ATP2B2: variants seen among roughly 807,000 people sequenced by gnomAD.
ATP2B2 encodes ATPase plasma membrane Ca2+ transporting 2.
A neutral mutation model predicts 120.0 loss-of-function variants in ATP2B2; 15 were observed. The ratio of observed to expected loss-of-function variants is 0.12; its 90% CI spans 0.08 to 0.19. The LOEUF (loss-of-function observed/expected upper bound fraction) is 0.19, where lower values mean the gene tolerates loss of function less well. Ranked by LOEUF, ATP2B2 falls within the 10% of genes least tolerant of loss-of-function variation. ATP2B2 has a pLI of 1.00. For synonymous variants in ATP2B2, 694 were observed against 700.3 expected, an observed-to-expected ratio of 0.99 and a Z score of 0.14; for missense variants, 1,045 against 1,719.8, an observed-to-expected ratio of 0.61 and a Z score of 6.94.
At chr3:10,493,026 C>T (rs951587983) in intron 1 of ATP2B2, among the ~76,000 whole-genome samples, 1 of 151,994 alleles carries the variant, frequency 6.6e-6, no homozygotes, top group South Asian at 2.1e-4. Flanking sequence ...TTCATTTGTT[C>T]ATTCATTCAT....
chr3:10,385,904 C>G (rs1405574320), intron 7 of ATP2B2, among the ~76,000 whole-genome samples: 3 of 152,224 alleles, frequency 2.0e-5, no homozygotes, highest in Non-Finnish European at 2.9e-5. Context: ...TTTGGGAACT[C>G]CCATGTGAGA....
At chr3:10,420,680 C>T (rs760069225) in intron 2 of ATP2B2, among the ~76,000 whole-genome samples, 5 of 152,340 alleles carry the variant, frequency 3.3e-5, no homozygotes, top group African/African-American at 7.2e-5. Flanking sequence ...GGTTTTTTCA[C>T]GTGCAGCCTG....
intron 3 of ATP2B2, among the ~76,000 whole-genome samples, chr3:10,529,714 C>A (rs749224614): frequency 1.3e-5 from 2 of 152,142 alleles, no homozygotes; most frequent in Non-Finnish European, 2.9e-5. Context: ...CCTCATACCC[C>A]AGAATGTGAG....
rs1359208577 is a variant in ATP2B2, at chr3:10,492,843, G to A, written c.-320+12622C>T. 5.3e-5 allele frequency among the ~76,000 whole-genome samples: 8 copies of A among 152,252 alleles called. No homozygotes were observed. In the South Asian group the frequency reaches 1.0e-3, roughly 20 times the overall value. On this transcript the variant is annotated intron_variant, in intron 1 of 22. Transcript: ENST00000360273. Reference sequence around the variant, plus strand: ...ATACTGGTGTCCCTTTCACAGCTGCGCAAAAGAGAGCAGATGGAACTTGAA... The same window carrying A: ...ATACTGGTGTCCCTTTCACAGCTGCACAAAAGAGAGCAGATGGAACTTGAA...
intron 2 of ATP2B2, among the ~76,000 whole-genome samples, chr3:10,611,157 C>T (rs2069226516): frequency 6.6e-6 from 1 of 152,232 alleles, no homozygotes; most frequent in African/African-American, 2.4e-5. Flanking sequence ...TGGTTCCCAC[C>T]ACTCCTGAAT....
At chr3:10,440,208 T>A (rs1166962142) in intron 2 of ATP2B2, among the ~76,000 whole-genome samples, 1 of 150,342 alleles carries the variant, frequency 6.7e-6, no homozygotes, top group Admixed American at 6.6e-5. Context: ...CCTTGTCCTG[T>A]AGGGCACTTC....
At position 10,635,651 on chromosome 3, in the gene ATP2B2, A is replaced by T. The variant is rs1331649473; in HGVS notation, c.-459-15690T>A. On this transcript the variant is annotated intron_variant, in intron 1 of 21. Coordinates refer to the ATP2B2 transcript ENST00000646379. This position sits in a 1 kb window ranked among gnomAD's most constrained non-coding sequence, Gnocchi z 4.3. ...ATTCCACTAGCACCTCCCAGGTAGC[A>T]TTTTGCACGCGACAAGGACGCAGCA... is the stretch of plus-strand genomic sequence containing the variant. 1.3e-5 allele frequency among the ~76,000 whole-genome samples: 2 copies of T among 152,142 alleles called. No individual in the cohort carries two copies. The highest frequency in any genetic ancestry group is 4.8e-5 in the African/African-American group (2 of 41,424).
At chr3:10,401,939 C>A (rs1240086610) in intron 4 of ATP2B2, 152 bp downstream of exon 4, 11 of 1,321,404 alleles carry the variant, frequency 8.3e-6, no homozygotes, top group Non-Finnish European at 1.2e-5. Context: ...TACCCTTCCA[C>A]CTCCTAAAGG....
chr3:10,608,916 CT>C (rs2069154079), intron 2 of ATP2B2, among the ~76,000 whole-genome samples: 1 of 152,114 alleles, frequency 6.6e-6, no homozygotes, highest in East Asian at 1.9e-4. Context: ...CAATAAACAT[CT>C]GGTAAAAAAT....
At chr3:10,522,335 G>A (rs566200084) in intron 3 of ATP2B2, among the ~76,000 whole-genome samples, 6 of 152,248 alleles carry the variant, frequency 3.9e-5, no homozygotes, top group African/African-American at 1.4e-4. Context: ...AAGTTAGCTA[G>A]TTGTCTCAAG....
chr3:10,490,336 G>C (rs993875755), intron 1 of ATP2B2, among the ~76,000 whole-genome samples: 1 of 152,018 alleles, frequency 6.6e-6, no homozygotes, highest in Non-Finnish European at 1.5e-5. Flanking sequence ...AACTGCTAGA[G>C]GGATATTGTA....
chr3:10,425,662 A>G (rs2063125513), intron 2 of ATP2B2, among the ~76,000 whole-genome samples: 1 of 152,134 alleles, frequency 6.6e-6, no homozygotes, highest in African/African-American at 2.4e-5. Flanking sequence ...TCTGTCTTCC[A>G]TCAGAGTCCA....
chr3:10,630,234 G>A (rs911282579), intron 1 of ATP2B2, among the ~76,000 whole-genome samples: 2 of 152,024 alleles, frequency 1.3e-5, no homozygotes, highest in African/African-American at 4.8e-5. Context: ...GTGCCATGGG[G>A]GTTTGTTGTA....
intron 2 of ATP2B2, among the ~76,000 whole-genome samples, chr3:10,599,276 C>T (rs1458672976): frequency 6.6e-6 from 1 of 152,232 alleles, no homozygotes; most frequent in African/African-American, 2.4e-5. Context: ...CACCCCTGGG[C>T]TTCACCTGTT....
chr3:10,704,192 T>C (rs1298448086), intron 1 of ATP2B2, among the ~76,000 whole-genome samples: 1 of 152,200 alleles, frequency 6.6e-6, no homozygotes, highest in East Asian at 1.9e-4. Context: ...GGCCTCGCCA[T>C]AACTGAATAA....
chr3:10,500,552 G>A (rs752803318), intron 1 of ATP2B2, among the ~76,000 whole-genome samples: 30 of 152,028 alleles, frequency 2.0e-4, no homozygotes, highest in Non-Finnish European at 3.5e-4. Flanking sequence ...AGAGGACACC[G>A]AGAGACACAC....
intron 2 of ATP2B2, among the ~76,000 whole-genome samples, chr3:10,617,582 A>C (rs2069428003): frequency 1.3e-5 from 2 of 152,264 alleles, no homozygotes; most frequent in Non-Finnish European, 2.9e-5. Context: ...AGTCACCCAC[A>C]TGCCCAAGGC....
intron 1 of ATP2B2, among the ~76,000 whole-genome samples, chr3:10,498,402 A>C (rs1307451607): frequency 1.3e-5 from 2 of 152,260 alleles, no homozygotes; most frequent in Non-Finnish European, 2.9e-5. Flanking sequence ...AGTGAGCTGG[A>C]GGCCAGCACC....
intron 3 of ATP2B2, among the ~76,000 whole-genome samples, chr3:10,408,026 C>CA (rs2062477641): frequency 6.6e-6 from 1 of 152,144 alleles, no homozygotes. Context: ...CAGCTGTTGT[C>CA]AAAAAGAAAT....
Sources: allele counts gnomAD v4.1 joint callset (sites outside exome capture counted in the v4.1 genomes callset), GRCh38; gene constraint gnomAD v4.1.1; non-coding constraint Gnocchi (gnomAD v3.1); transcripts MANE v1.5; gene names NCBI Gene and HGNC (gene_info 2026-07-23, HGNC 2026-07-21).